GRAP2: variants seen among roughly 807,000 people sequenced by gnomAD.
The protein encoded by GRAP2 is GRB2-related adapter protein 2.
GRAP2 carries 31 observed loss-of-function variants against 43.5 expected under a neutral mutation model. The observed-to-expected ratio is 0.71, with a 90% CI of 0.54 to 0.96. The LOEUF (loss-of-function observed/expected upper bound fraction) is 0.96, where lower values mean the gene tolerates loss of function less well. GRAP2 is among the 40% of genes least tolerant of loss of function. The probability of loss-of-function intolerance (pLI) is 0.00; values close to 1 mark genes in which losing one functional copy is unlikely to be tolerated. For synonymous variants in GRAP2, 156 were observed against 164.8 expected, an observed-to-expected ratio of 0.95 and a Z score of 0.41; for missense variants, 371 against 424.4, an observed-to-expected ratio of 0.87 and a Z score of 1.11.
At chr22:39,933,984 G>A (rs2145611266) in intron 1 of GRAP2, among the ~76,000 whole-genome samples, 1 of 152,294 alleles carries the variant, frequency 6.6e-6, no homozygotes. Context: ...CAAAAGGAAA[G>A]TCTATGGCTT....
At chr22:39,970,766 T>A (rs891610909) in intron 7 of GRAP2, 139 bp from the exon 8 acceptor site, 4 of 745,798 alleles carry the variant, frequency 5.4e-6, no homozygotes, top group Admixed American at 3.5e-5. Flanking sequence ...ACAAAAAAAG[T>A]TTTTTTAAGC....
At chr22:39,926,690 A>G in intron 1 of GRAP2, 1 of 985,284 alleles carries the variant, frequency 1.0e-6, no homozygotes, top group Non-Finnish European at 1.2e-6. Context: ...GTTGCCATGC[A>G]TGAGTCGGGG....
intron 1 of GRAP2, among the ~76,000 whole-genome samples, chr22:39,946,270 T>C (rs1357289858): frequency 6.6e-6 from 1 of 152,106 alleles, no homozygotes; most frequent in East Asian, 1.9e-4. Flanking sequence ...TGCCCAAGAG[T>C]CTACAGCTAT....
intron 1 of GRAP2, 89 bp downstream of exon 1, chr22:39,901,419 A>G: frequency 4.3e-6 from 2 of 462,458 alleles, no homozygotes; most frequent in Non-Finnish European, 8.3e-6. Context: ...GTTAATTAAA[A>G]TGAATCTCAC....
At chr22:39,944,674 C>T (rs1457025097) in intron 1 of GRAP2, among the ~76,000 whole-genome samples, 16 of 152,194 alleles carry the variant, frequency 1.1e-4, no homozygotes, top group Admixed American at 1.0e-3. Flanking sequence ...AATTTTACTT[C>T]TGCCTCGGCC....
intron 4 of GRAP2, among the ~76,000 whole-genome samples, chr22:39,963,538 CA>C (rs1392286887): frequency 1.3e-5 from 2 of 152,046 alleles, no homozygotes; most frequent in African/African-American, 2.4e-5. Flanking sequence ...TGTTGGTGGC[CA>C]AAACCAAGGG....
Position 39,960,159 on chromosome 22 carries a change from T to G in GRAP2, c.275T>G (p.Phe92Cys). 6.2e-7 allele frequency: 1 copy of G among 1,613,788 alleles called. No individual in the cohort carries two copies. Among genetic ancestry groups the G allele is most frequent in the Non-Finnish European group, 8.5e-7 (1 of 1,179,654 alleles). ...IRASQSSPGD[F>C]SISVRHEDDV... ...GCCAGCCAGAGCTCCCCAGGGGACT[T>G]CTCCATCTCTGTCAGGTACTGACCA... The change falls in exon 4 of 8, where the codon TTC becomes TGC. Residue 92 changes from phenylalanine (F) to cysteine (C), a missense_variant. Physicochemically the swap from Phe to Cys is radical, Grantham distance 205 (BLOSUM62 -2). Transcript: ENST00000344138.
intron 4 of GRAP2, chr22:39,964,677 C>T (rs1278474775): frequency 1.4e-5 from 7 of 489,540 alleles, no homozygotes; most frequent in Admixed American, 7.5e-5. Context: ...AATTAAGTGT[C>T]GTCTTGGAGC....
intron 1 of GRAP2, among the ~76,000 whole-genome samples, chr22:39,905,515 A>G (rs1164686906): frequency 1.3e-5 from 2 of 152,208 alleles, no homozygotes; most frequent in African/African-American, 4.8e-5. Context: ...AAGCTATAAA[A>G]TGGGATTACT....
At chr22:39,913,036 T>C (rs952985761) in intron 1 of GRAP2, among the ~76,000 whole-genome samples, 11 of 151,630 alleles carry the variant, frequency 7.3e-5, no homozygotes, top group Non-Finnish European at 1.5e-5. Context: ...CTACTAAAAA[T>C]ACAAAAATTA....
chr22:39,912,384 C>T (rs981782299), intron 1 of GRAP2, among the ~76,000 whole-genome samples: 1 of 152,218 alleles, frequency 6.6e-6, no homozygotes, highest in African/African-American at 2.4e-5. Context: ...AGATACTGTA[C>T]TCCATCCAGC....
chr22:39,900,334 C>G (rs1454187422), upstream of GRAP2, among the ~76,000 whole-genome samples: 11 of 152,154 alleles, frequency 7.2e-5, no homozygotes. Context: ...ATCTTGGATC[C>G]AGTCCCCAAA....
intron 4 of GRAP2, chr22:39,960,953 C>CT (rs138001): frequency 0.81 from 105,631 of 131,058 alleles, 43,052 homozygotes; most frequent in African/African-American, 0.88. Context: ...CCCAAGTCTT[C>CT]TTTTTTTTTT....
intron 2 of GRAP2, among the ~76,000 whole-genome samples, chr22:39,949,372 G>A (rs965335842): frequency 1.3e-5 from 2 of 152,106 alleles, no homozygotes; most frequent in Non-Finnish European, 2.9e-5. Flanking sequence ...TGTGAGGTAG[G>A]CATTCATTTC....
intron 4 of GRAP2, among the ~76,000 whole-genome samples, chr22:39,962,262 A>C (rs2067127360): frequency 6.6e-6 from 1 of 152,116 alleles, no homozygotes; most frequent in African/African-American, 2.4e-5. Context: ...ATCTCTACTA[A>C]AAATAAAAAA....
chr22:39,907,001 C>CA (rs2066527756), intron 1 of GRAP2, among the ~76,000 whole-genome samples: 1 of 152,072 alleles, frequency 6.6e-6, no homozygotes, highest in Non-Finnish European at 1.5e-5. Context: ...CTTTATAAAA[C>CA]AAAATGTAAA....
intron 2 of GRAP2, among the ~76,000 whole-genome samples, chr22:39,948,855 A>T (rs2066952072): frequency 6.6e-6 from 1 of 151,872 alleles, no homozygotes; most frequent in Non-Finnish European, 1.5e-5. Context: ...TCCCTTCCTG[A>T]CCACTCCTAC....
At chr22:39,895,803 T>C in the GRAP2 span, among the ~76,000 whole-genome samples, 100,867 of 152,108 alleles carry the variant, frequency 0.66, 35,024 homozygotes, top group African/African-American at 0.89. Flanking sequence ...AAGTAGTTGC[T>C]ATAATAAAGG....
At chr22:39,960,268 A>C in intron 4 of GRAP2, 94 bp downstream of exon 4, 1 of 1,229,054 alleles carries the variant, frequency 8.1e-7, no homozygotes, top group Non-Finnish European at 1.2e-6. Flanking sequence ...ATATGACCCA[A>C]TGGTCAGAAG....
Sources: allele counts gnomAD v4.1 joint callset (sites outside exome capture counted in the v4.1 genomes callset), GRCh38; gene constraint gnomAD v4.1.1; transcripts MANE v1.5; gene names NCBI Gene and HGNC (gene_info 2026-07-23, HGNC 2026-07-21).